GRIK2: variants seen among roughly 807,000 people sequenced by gnomAD.
GRIK2 encodes the protein glutamate ionotropic receptor kainate type subunit 2.
In GRIK2, 32 loss-of-function variants were observed where a neutral mutation model predicts 100.3. The ratio of observed to expected loss-of-function variants is 0.32; its 90% confidence interval spans 0.24 to 0.43. GRIK2 has a LOEUF of 0.43. Among genes scored for constraint, GRIK2 ranks in the 20% least tolerant of loss-of-function variants. The pLI, the probability that GRIK2 is intolerant of heterozygous loss-of-function variation, is 1.00. For synonymous variants in GRIK2, 417 were observed against 389.4 expected (o/e 1.07, Z -0.83); for missense variants, 843 against 1,114.9 (o/e 0.76, Z 3.47).
At chr6:101,983,706 C>A (rs949021800) in intron 14 of GRIK2, among the ~76,000 whole-genome samples, 1 of 151,696 alleles carries the variant, frequency 6.6e-6, no homozygotes, top group Non-Finnish European at 1.5e-5. Context: ...CTTTTCTCAC[C>A]TGAAATATCT....
At chr6:101,813,398 T>G (rs1357033543) in intron 9 of GRIK2, among the ~76,000 whole-genome samples, 1 of 152,156 alleles carries the variant, frequency 6.6e-6, no homozygotes, top group African/African-American at 2.4e-5. Context: ...CAAAAATACC[T>G]TTAAGTCTGC....
chr6:101,615,346 CA>C (rs1172502574), intron 2 of GRIK2, among the ~76,000 whole-genome samples: 1 of 151,568 alleles, frequency 6.6e-6, no homozygotes, highest in African/African-American at 2.4e-5. Context: ...CTAAAAAGTT[CA>C]AGGTAAGTAT....
chr6:101,585,806 A>G (rs1297264011), intron 2 of GRIK2, among the ~76,000 whole-genome samples: 1 of 152,126 alleles, frequency 6.6e-6, no homozygotes, highest in Non-Finnish European at 1.5e-5. Context: ...AGTTTGAGGC[A>G]GCTACAGTGA....
At chr6:101,493,197 G>T (rs1773234949) in intron 2 of GRIK2, among the ~76,000 whole-genome samples, 2 of 151,962 alleles carry the variant, frequency 1.3e-5, no homozygotes, top group African/African-American at 4.8e-5. Flanking sequence ...AAAGAGAAGA[G>T]AAGAGAAGCA....
intron 7 of GRIK2, among the ~76,000 whole-genome samples, chr6:101,698,424 TTTA>T (rs1165022598): frequency 1.3e-5 from 2 of 152,136 alleles, no homozygotes; most frequent in Non-Finnish European, 2.9e-5. Flanking sequence ...ATTCTCCTGC[TTTA>T]TTATGCAGAG....
chr6:101,707,592 G>GCATATATATATATA (rs1773412262), intron 7 of GRIK2, among the ~76,000 whole-genome samples: 1 of 128,218 alleles, frequency 7.8e-6, no homozygotes, highest in East Asian at 2.5e-4. Flanking sequence ...GTGTGTGTGT[G>GCATATATATATATA]TGTATATATG....
At chr6:101,498,481 C>A (rs922613534) in intron 2 of GRIK2, among the ~76,000 whole-genome samples, 1 of 151,002 alleles carries the variant, frequency 6.6e-6, no homozygotes, top group African/African-American at 2.4e-5. Context: ...TACAGTCCCA[C>A]CAACAGTGTA....
chr6:101,568,229 A>G (rs1403705587), intron 2 of GRIK2, among the ~76,000 whole-genome samples: 1 of 151,990 alleles, frequency 6.6e-6, no homozygotes, highest in Non-Finnish European at 1.5e-5. Context: ...GTACTGTACT[A>G]TAAGGCATGT....
At chr6:101,916,628 G>A (rs1277605345) in intron 12 of GRIK2, among the ~76,000 whole-genome samples, 2 of 151,516 alleles carry the variant, frequency 1.3e-5, no homozygotes, top group African/African-American at 4.8e-5. Context: ...TTTCACAGGC[G>A]ATCTCCATTA....
At chr6:101,864,106 C>G (rs911465576) in intron 11 of GRIK2, among the ~76,000 whole-genome samples, 7 of 146,554 alleles carry the variant, frequency 4.8e-5, no homozygotes, top group African/African-American at 1.8e-4. Context: ...CACTGCAGTC[C>G]GCAGTCCGGC....
chr6:102,046,158 C>T (rs757304817), intron 15 of GRIK2, among the ~76,000 whole-genome samples: 4 of 152,006 alleles, frequency 2.6e-5, no homozygotes, highest in Non-Finnish European at 4.4e-5. Flanking sequence ...AATATATATG[C>T]ACCAAATATT....
Position 101,678,685 on chromosome 6 carries a change from C to G in GRIK2, c.723+1881C>G, listed in dbSNP as rs191186617. On this transcript the variant is annotated intron_variant, in intron 5 of 16. Coordinates refer to ENST00000369134, the MANE Select transcript of GRIK2 (RefSeq NM_021956.5). ...AATTTTTCTGAGATTCCTGAACATTCACTGATGTTGGAACTCCTAAGACAT... is the reference window on the plus strand; with the variant it reads ...AATTTTTCTGAGATTCCTGAACATTGACTGATGTTGGAACTCCTAAGACAT... Among the ~76,000 whole-genome samples the G allele has an allele frequency of 1.7e-3, 261 of 152,218 alleles. 1 individual carries two copies. The highest frequency in any genetic ancestry group is 2.7e-3 in the Non-Finnish European group (182 of 68,004).
intron 12 of GRIK2, among the ~76,000 whole-genome samples, chr6:101,923,925 CAAAAAAAA>C (rs768844963): frequency 1.6e-5 from 1 of 60,772 alleles, no homozygotes; most frequent in Non-Finnish European, 3.6e-5. Flanking sequence ...ATTCTGTCTC[CAAAAAAAA>C]AAAAAAAAAA....
At chr6:101,918,014 C>T (rs753838935) in intron 12 of GRIK2, among the ~76,000 whole-genome samples, 127 of 151,588 alleles carry the variant, frequency 8.4e-4, no homozygotes, top group Non-Finnish European at 1.5e-3. Flanking sequence ...TATTTATTTT[C>T]CCTATTCCAA....
intron 2 of GRIK2, among the ~76,000 whole-genome samples, chr6:101,423,396 C>A (rs559686378): frequency 5.3e-5 from 8 of 152,236 alleles, no homozygotes; most frequent in Non-Finnish European, 7.4e-5. Flanking sequence ...GCAACAGCAC[C>A]ATTTTACAGT....
At chr6:101,623,802 A>G (rs1482675792) in intron 3 of GRIK2, among the ~76,000 whole-genome samples, 8 of 152,170 alleles carry the variant, frequency 5.3e-5, no homozygotes, top group Admixed American at 4.6e-4. Context: ...AAATAAGTGT[A>G]TGAATAACTG....
At chr6:101,643,922 C>A (rs1781400368) in intron 4 of GRIK2, among the ~76,000 whole-genome samples, 2 of 151,728 alleles carry the variant, frequency 1.3e-5, no homozygotes, top group Non-Finnish European at 3.0e-5. Flanking sequence ...AGTAGCCAAT[C>A]AACTAACATA....
At chr6:101,540,270 GA>G (rs1475852126) in intron 2 of GRIK2, among the ~76,000 whole-genome samples, 3 of 151,714 alleles carry the variant, frequency 2.0e-5, no homozygotes, top group African/African-American at 7.3e-5. Context: ...ATCTTTGTAG[GA>G]CATGGCAAAG....
chr6:101,525,983 G>A (rs1201336687), intron 2 of GRIK2, among the ~76,000 whole-genome samples: 1 of 152,186 alleles, frequency 6.6e-6, no homozygotes, highest in African/African-American at 2.4e-5. Context: ...TGGGAGTAAA[G>A]TATAGCAACA....
Sources: allele counts gnomAD v4.1 joint callset (sites outside exome capture counted in the v4.1 genomes callset), GRCh38; gene constraint gnomAD v4.1.1; transcripts MANE v1.5; gene names NCBI Gene and HGNC (gene_info 2026-07-23, HGNC 2026-07-21).